The following EHBP1 variants were observed in gnomAD, a reference collection of about 807,000 sequenced individuals.
EHBP1 encodes the protein EH domain binding protein 1.
A neutral mutation model predicts 144.0 loss-of-function variants in EHBP1; 55 were observed. That is an observed-to-expected ratio of 0.38 (90% CI 0.31 to 0.48). The LOEUF is 0.48. EHBP1 is among the 20% of genes least tolerant of loss of function. The pLI, the probability that EHBP1 is intolerant of heterozygous loss-of-function variation, is 0.98. For synonymous variants in EHBP1, 469 were observed against 472.7 expected (o/e 0.99, Z 0.10); for missense variants, 1,200 against 1,364.2 (o/e 0.88, Z 1.90).
intron 5 of EHBP1, among the ~76,000 whole-genome samples, chr2:62,812,799 A>G (rs1294770293): frequency 1.3e-5 from 2 of 152,184 alleles, no homozygotes; most frequent in Admixed American, 6.5e-5. Flanking sequence ...GTGAGATGTG[A>G]GTGGAGAGAA....
chr2:62,973,435 G>A (rs1200481226), intron 14 of EHBP1, among the ~76,000 whole-genome samples: 4 of 152,138 alleles, frequency 2.6e-5, no homozygotes, highest in Non-Finnish European at 2.9e-5. Context: ...GATACTTTGG[G>A]AATCATATAG....
At chr2:62,873,098 A>C (rs1489617998) in intron 9 of EHBP1, among the ~76,000 whole-genome samples, 1 of 152,176 alleles carries the variant, frequency 6.6e-6, no homozygotes, top group South Asian at 2.1e-4. Context: ...AGGCACTCTT[A>C]ACTTAGACTA....
intron 9 of EHBP1, among the ~76,000 whole-genome samples, chr2:62,871,018 G>T (rs946440122): frequency 1.3e-5 from 2 of 151,968 alleles, no homozygotes; most frequent in African/African-American, 4.8e-5. Context: ...CTATATGGGG[G>T]GTTGAAAAGT....
At chr2:62,675,008 C>T (rs2033234470) in intron 1 of EHBP1, among the ~76,000 whole-genome samples, 1 of 152,090 alleles carries the variant, frequency 6.6e-6, no homozygotes, top group Non-Finnish European at 1.5e-5. Flanking sequence ...AGAGGGAGAA[C>T]TTGAGTTCAT....
chr2:62,724,318 G>A (rs1363291014), intron 2 of EHBP1, among the ~76,000 whole-genome samples: 1 of 152,174 alleles, frequency 6.6e-6, no homozygotes, highest in Non-Finnish European at 1.5e-5. Context: ...AACCAATTCT[G>A]TCAGATTGGT....
intron 19 of EHBP1, among the ~76,000 whole-genome samples, chr2:63,034,434 G>T (rs1261542307): frequency 6.6e-6 from 1 of 151,948 alleles, no homozygotes; most frequent in East Asian, 1.9e-4. Context: ...ACAAATTAAA[G>T]ATAATTTTGA....
intron 10 of EHBP1, among the ~76,000 whole-genome samples, chr2:62,927,914 C>T (rs2055658685): frequency 6.6e-6 from 1 of 151,916 alleles, no homozygotes. Flanking sequence ...CTGATAACAA[C>T]ATATGAAGTT....
chr2:62,713,530 CA>C (rs2035365502), intron 2 of EHBP1, among the ~76,000 whole-genome samples: 1 of 152,100 alleles, frequency 6.6e-6, no homozygotes, highest in Non-Finnish European at 1.5e-5. Flanking sequence ...AGGTCTGAGC[CA>C]CGGCACCTGG....
At chr2:62,707,402 G>A (rs1203568820) in intron 2 of EHBP1, 107 bp downstream of exon 2, 1 of 784,620 alleles carries the variant, frequency 1.3e-6, no homozygotes, top group East Asian at 2.7e-5. Flanking sequence ...GTGCACTAGT[G>A]TGTAGAAGCT....
rs200124260 is a variant in EHBP1 at position 62,831,118 on chromosome 2, G to C, written c.594G>C (p.Glu198Asp). The C allele has an allele frequency of 1.1e-5, 17 of 1,605,488 alleles. No homozygotes were observed. Among genetic ancestry groups the C allele is most frequent in the Non-Finnish European group, 1.4e-5 (16 of 1,177,762 alleles). Residue 198 changes from glutamate to aspartate, a missense_variant, in exon 7 of 23, where the codon GAG (glutamate) becomes GAC (aspartate). Glu to Asp is a conservative substitution (Grantham distance 45). This residue lies in a region of EHBP1 where 266 missense variants were observed against 262.4 expected (regional missense o/e 1.01). Transcript: ENST00000431489. ...AAGAAGATAATGAAGATGATGATGA[G>C]AACAGAGTGAACCAAGAAGAAAAGG... is the stretch of plus-strand genomic sequence containing the variant. ...DFEEDNEDDDENRVNQEEKAA... is the reference protein window; with the variant it reads ...DFEEDNEDDDDNRVNQEEKAA...
chr2:62,878,648 A>G (rs113840899), intron 10 of EHBP1, among the ~76,000 whole-genome samples: 1 of 152,166 alleles, frequency 6.6e-6, no homozygotes, highest in Non-Finnish European at 1.5e-5. Flanking sequence ...CCTGGGATGT[A>G]AGGTTGGTTC....
At chr2:62,676,198 C>T (rs1294674369) in intron 1 of EHBP1, among the ~76,000 whole-genome samples, 1 of 152,018 alleles carries the variant, frequency 6.6e-6, no homozygotes, top group Non-Finnish European at 1.5e-5. Context: ...GTTATGAATA[C>T]TTTCTTATAA....
intron 9 of EHBP1, among the ~76,000 whole-genome samples, chr2:62,870,803 GA>G (rs1213200920): frequency 6.7e-6 from 1 of 150,066 alleles, no homozygotes; most frequent in East Asian, 1.9e-4. Flanking sequence ...GAAAGAGTGA[GA>G]AAATTGACTT....
chr2:62,898,898 A>G (rs543623359), intron 10 of EHBP1, among the ~76,000 whole-genome samples: 26 of 152,246 alleles, frequency 1.7e-4, no homozygotes, highest in Admixed American at 1.6e-3. Flanking sequence ...TTTTAGATAG[A>G]CTAAGTTTTA....
intron 16 of EHBP1, among the ~76,000 whole-genome samples, chr2:62,991,522 A>G (rs1170295963): frequency 6.6e-6 from 1 of 152,208 alleles, no homozygotes; most frequent in Non-Finnish European, 1.5e-5. Context: ...TGTTATTTGT[A>G]AGAATCATCA....
chr2:62,957,919 A>C (rs1574243874), intron 14 of EHBP1, among the ~76,000 whole-genome samples: 1 of 152,238 alleles, frequency 6.6e-6, no homozygotes, highest in Non-Finnish European at 1.5e-5. Flanking sequence ...ATGTGAAAAT[A>C]AATTATATTT....
intron 1 of EHBP1, among the ~76,000 whole-genome samples, chr2:62,681,359 T>TATATATATATATATATATATATATAA (rs1553363754): frequency 3.7e-4 from 29 of 78,344 alleles, no homozygotes; most frequent in Middle Eastern, 5.1e-3. Context: ...TATATATATA[T>TATATATATATATATATATATATATAA]AATGTGTATA....
chr2:62,914,137 A>G (rs1655331950), intron 10 of EHBP1, among the ~76,000 whole-genome samples: 1 of 152,170 alleles, frequency 6.6e-6, no homozygotes, highest in African/African-American at 2.4e-5. Flanking sequence ...TGTTAAGCAT[A>G]CAGCTATTAG....
At chr2:62,822,296 C>G (rs907150801) in intron 5 of EHBP1, among the ~76,000 whole-genome samples, 19 of 152,064 alleles carry the variant, frequency 1.2e-4, no homozygotes, top group Admixed American at 5.2e-4. Context: ...AGGTGGAGAA[C>G]TCATTTTAGG....
Sources: gnomAD v4.1 joint callset for allele counts (sites outside exome capture counted in the v4.1 genomes callset) on GRCh38, gnomAD v4.1.1 for gene constraint, gnomAD v4.1.1 regional missense constraint, MANE v1.5 for transcripts, NCBI Gene and HGNC (gene_info 2026-07-23, HGNC 2026-07-21) for gene names.